ASB11: variants seen among roughly 807,000 people sequenced by gnomAD.
The protein encoded by ASB11 is ankyrin repeat and SOCS box containing 11, also known as ankyrin repeat and SOCS box protein 11.
Under a neutral mutation model 20.1 loss-of-function variants are expected in ASB11, and 17 were observed. The observed-to-expected ratio is 0.85, with a 90% CI of 0.58 to 1.27. The LOEUF is 1.27. ASB11 is among the 50% of genes most tolerant of loss of function. The pLI, the probability that ASB11 is intolerant of heterozygous loss-of-function variation, is 0.00. For synonymous variants in ASB11, 107 were observed against 105.6 expected, an observed-to-expected ratio of 1.01 and a Z score of -0.08; for missense variants, 259 against 256.9, an observed-to-expected ratio of 1.01 and a Z score of -0.06.
intron 2 of ASB11, among the ~76,000 whole-genome samples, chrX:15,301,232 G>A (rs760796127): frequency 0.028 from 3,177 of 111,590 alleles, 109 homozygotes; most frequent in African/African-American, 0.098. Flanking sequence ...TAAAGTGCTA[G>A]GATTACAGGC....
intron 1 of ASB11, among the ~76,000 whole-genome samples, chrX:15,310,141 C>T (rs1437382068): frequency 9.1e-6 from 1 of 109,744 alleles, no homozygotes; most frequent in Non-Finnish European, 1.9e-5. Flanking sequence ...AGTGGGGTCT[C>T]CTGCTTTTCT....
rs2147680635 is a variant in ASB11, at chrX:15,283,505, C to G, written c.972G>C (p.Ter324TyrextTer2). 8.3e-7 allele frequency: 1 copy of G among 1,210,872 alleles called. No individual in the cohort carries two copies. The highest frequency in any genetic ancestry group is 1.1e-6 in the Non-Finnish European group (1 of 894,968). The change falls in exon 7 of 7, where the codon TAG becomes TAC. Residue 324 changes from the stop codon to tyrosine (Y), a stop_lost. Coordinates refer to ENST00000480796, the MANE Select transcript of ASB11 (RefSeq NM_080873.3). ...AGTATCTTCCCAGGAACACTTAGGA[C>G]TATTGGTATAGGAGGAATCGTTCGA... ...EPLERFLLYQ[*>Y]
intron 1 of ASB11, among the ~76,000 whole-genome samples, chrX:15,313,124 C>A (rs141295583): frequency 1.5e-4 from 17 of 111,854 alleles, no homozygotes; most frequent in Admixed American, 4.7e-4. Context: ...AGCGGCCAGG[C>A]ACAGGTGCTC....
intron 1 of ASB11, among the ~76,000 whole-genome samples, chrX:15,303,592 CT>C (rs1172187099): frequency 9.0e-6 from 1 of 111,574 alleles, no homozygotes; most frequent in Non-Finnish European, 1.9e-5. Context: ...TCCCTAAAAG[CT>C]TTGTTGTGGG....
intron 4 of ASB11, 108 bp downstream of exon 4, chrX:15,293,062 G>A (rs1927571758): frequency 2.0e-6 from 2 of 981,661 alleles, no homozygotes; most frequent in South Asian, 5.3e-5. Flanking sequence ...ATATTCTAAT[G>A]GTGAGGAAGA....
intron 3 of ASB11, among the ~76,000 whole-genome samples, chrX:15,296,504 T>C (rs1269536600): frequency 9.0e-6 from 1 of 111,465 alleles, no homozygotes; most frequent in Non-Finnish European, 1.9e-5. Context: ...CACAGAAGAT[T>C]TTTAGAAGTT....
At chrX:15,286,848 A>T (rs1343632744) in intron 6 of ASB11, among the ~76,000 whole-genome samples, 1 of 111,286 alleles carries the variant, frequency 9.0e-6, no homozygotes, top group Non-Finnish European at 1.9e-5. Context: ...AAATTCAGTG[A>T]GCTTGATCTA....
Position 15,296,254 on chromosome X carries a change from A to C in ASB11, c.369+1320T>G, listed in dbSNP as rs1040401938. On this transcript the variant is annotated intron_variant, in intron 3 of 6. Transcript: ENST00000480796. The stretch of plus-strand genomic sequence containing the variant: ...ACAGTGTTAGTGAGACTCTGTCTAA[A>C]AATAAAAAGATGGAAAAAAAAAAAA... 4.7e-5 allele frequency among the ~76,000 whole-genome samples: 5 copies of C among 107,041 alleles called. No homozygotes were observed. In the Admixed American group the frequency reaches 5.2e-4, roughly 11 times the overall value. The allele number at this position is 107,041 out of a possible 115,157, so 93.0% of individuals were successfully genotyped here.
chrX:15,291,922 C>G (rs1233053694), intron 4 of ASB11: 1 of 105,628 alleles, frequency 9.5e-6, no homozygotes, highest in Non-Finnish European at 1.9e-5. Flanking sequence ...GTAATCCCAG[C>G]TACTTGGGAG....
Position 15,297,581 on chromosome X carries a change from C to CCATTTT in ASB11, c.356_361dup (p.Glu119_Asn120dup), listed in dbSNP as rs764877543. On this transcript the variant is annotated inframe_insertion, in exon 3 of 7. Coordinates refer to ENST00000480796, the MANE Select transcript of ASB11 (RefSeq NM_080873.3). ...GGCAGGGGCAGTACTCACGTGTGCA[C>CCATTTT]CATTTTCCAATAAGGCTTTGGCACA... The CCATTTT allele has an allele frequency of 1.7e-6, 2 of 1,192,985 alleles. No individual in the cohort carries two copies. The highest frequency in any genetic ancestry group is 3.5e-5 in the African/African-American group (2 of 56,638).
intron 6 of ASB11, among the ~76,000 whole-genome samples, chrX:15,284,100 A>G (rs1443362677): frequency 1.9e-5 from 2 of 106,368 alleles, no homozygotes; most frequent in African/African-American, 3.5e-5. Context: ...AAAATACAAA[A>G]AATTAGCCGG....
intron 1 of ASB11, among the ~76,000 whole-genome samples, chrX:15,306,420 T>C (rs1921248729): frequency 1.8e-5 from 2 of 112,035 alleles, no homozygotes; most frequent in African/African-American, 6.5e-5. Context: ...TTAAACTCTC[T>C]TTGAGGCCGG....
At chrX:15,294,054 A>G (rs73189534) in intron 3 of ASB11, among the ~76,000 whole-genome samples, 19 of 111,390 alleles carry the variant, frequency 1.7e-4, no homozygotes, top group Non-Finnish European at 3.4e-4. Flanking sequence ...AAATAAATAA[A>G]ATTAAAAGAT....
At chrX:15,314,883 C>T (rs1052903622) in intron 1 of ASB11, among the ~76,000 whole-genome samples, 4 of 111,207 alleles carry the variant, frequency 3.6e-5, no homozygotes, top group Non-Finnish European at 7.5e-5. Flanking sequence ...TTAGAATAAA[C>T]TTTGTTTGGA....
chrX:15,299,255 C>T, intron 2 of ASB11, among the ~76,000 whole-genome samples: 1 of 112,156 alleles, frequency 8.9e-6, no homozygotes, highest in South Asian at 3.7e-4. Flanking sequence ...CCAGGGTAGT[C>T]AGGGCACAGC....
intron 4 of ASB11, among the ~76,000 whole-genome samples, chrX:15,291,512 C>G (rs1377760008): frequency 9.1e-6 from 1 of 109,439 alleles, no homozygotes; most frequent in South Asian, 3.9e-4. Context: ...CTGAGACCAG[C>G]CTGGCCAACA....
intron 4 of ASB11, among the ~76,000 whole-genome samples, chrX:15,291,571 G>A (rs1339577505): frequency 9.1e-6 from 1 of 109,465 alleles, no homozygotes; most frequent in Non-Finnish European, 1.9e-5. Flanking sequence ...GCTGGGCACT[G>A]TGACAGGTGC....
At chrX:15,306,384 G>A (rs1489854106) in intron 1 of ASB11, among the ~76,000 whole-genome samples, 4 of 111,822 alleles carry the variant, frequency 3.6e-5, no homozygotes, top group Non-Finnish European at 7.5e-5. Context: ...GTCTTTAGTT[G>A]GTTGAAAGCT....
chrX:15,303,088 T>C (rs1343720277), intron 1 of ASB11, among the ~76,000 whole-genome samples: 2 of 111,612 alleles, frequency 1.8e-5, no homozygotes, highest in East Asian at 2.8e-4. Context: ...TTCAAAAATA[T>C]AGTGCTCAGT....
Sources: gnomAD v4.1 joint callset for allele counts (sites outside exome capture counted in the v4.1 genomes callset) on GRCh38, gnomAD v4.1.1 for gene constraint, MANE v1.5 for transcripts, NCBI Gene and HGNC (gene_info 2026-07-23, HGNC 2026-07-21) for gene names.